The following ARFGEF3 variants were observed in gnomAD, a reference collection of about 807,000 sequenced individuals.
ARFGEF3 encodes ARFGEF family member 3, also known as brefeldin A-inhibited guanine nucleotide-exchange protein 3.
In ARFGEF3, 96 loss-of-function variants were observed where a neutral mutation model predicts 221.7. The observed-to-expected ratio is 0.43, with a 90% confidence interval of 0.37 to 0.51. The LOEUF is 0.51. Among genes scored for constraint, ARFGEF3 ranks in the 20% least tolerant of loss-of-function variants. The pLI, the probability that ARFGEF3 is intolerant of heterozygous loss-of-function variation, is 0.00. For missense variants in ARFGEF3, 2,410 were observed against 2,789.9 expected, an observed-to-expected ratio of 0.86 and a Z score of 3.07; for synonymous variants, 1,145 against 1,126.8, an observed-to-expected ratio of 1.02 and a Z score of -0.32.
At chr6:138,287,804 G>C (rs554300863) in intron 17 of ARFGEF3, among the ~76,000 whole-genome samples, 3 of 152,152 alleles carry the variant, frequency 2.0e-5, no homozygotes, top group Non-Finnish European at 4.4e-5. Flanking sequence ...TCCAAATTGT[G>C]TAACTACTAT....
chr6:138,172,581 T>G (rs1342621680), intron 2 of ARFGEF3, among the ~76,000 whole-genome samples: 1 of 152,230 alleles, frequency 6.6e-6, no homozygotes, highest in Non-Finnish European at 1.5e-5. Flanking sequence ...ACTTCTTGGC[T>G]TTCAGCAATA....
chr6:138,328,220 T>C (rs1406486365), intron 32 of ARFGEF3, 78 bp downstream of exon 32: 3 of 1,442,522 alleles, frequency 2.1e-6, no homozygotes, highest in Non-Finnish European at 2.8e-6. Flanking sequence ...CACATTGTAA[T>C]CTGAGCTTTG....
In ARFGEF3 at chr6:138,255,766, A is replaced by C. The variant is rs1778665827; in HGVS notation, c.1101A>C (p.Lys367Asn). Reference sequence around the variant, plus strand: ...GGGTGGAAGCCATCAAAATAATGAAAGAGGTGAGGAGGCACTGGAGATCGC... The same window carrying C: ...GGGTGGAAGCCATCAAAATAATGAACGAGGTGAGGAGGCACTGGAGATCGC... ...QHRVEAIKIMKEILGSPQRLC... is the reference protein window; with the variant it reads ...QHRVEAIKIMNEILGSPQRLC... Residue 367 changes from lysine (K) to asparagine (N), a missense_variant, in exon 10 of 34, where the codon AAA becomes AAC. Physicochemically the swap from Lys to Asn is moderately conservative, Grantham distance 94. Transcript: ENST00000251691. The C allele has an allele frequency of 6.5e-7, 1 of 1,546,812 alleles. No homozygotes were observed. Among genetic ancestry groups the C allele is most frequent in the South Asian group, 1.2e-5 (1 of 82,282 alleles).
chr6:138,297,377 C>T (rs1319526334), intron 21 of ARFGEF3, among the ~76,000 whole-genome samples: 1 of 152,134 alleles, frequency 6.6e-6, no homozygotes, highest in Non-Finnish European at 1.5e-5. Context: ...GTCAGGGAAC[C>T]CTATGTCTTG....
At chr6:138,325,919 G>A (rs369333642) in intron 31 of ARFGEF3, among the ~76,000 whole-genome samples, 2 of 152,266 alleles carry the variant, frequency 1.3e-5, no homozygotes, top group African/African-American at 2.4e-5. Flanking sequence ...AGTGCAGGGT[G>A]TGATCTCGGC....
chr6:138,286,403 T>C (rs1172977155), intron 15 of ARFGEF3, among the ~76,000 whole-genome samples: 1 of 150,892 alleles, frequency 6.6e-6, no homozygotes, highest in African/African-American at 2.4e-5. Context: ...TGAGCCGAGA[T>C]TGTGCCACTG....
chr6:138,170,767 C>T, intron 2 of ARFGEF3, 54 bp downstream of exon 2: 1 of 999,464 alleles, frequency 1.0e-6, no homozygotes, highest in Admixed American at 1.8e-5. Flanking sequence ...CCACTGAAGG[C>T]CCAGATAACC....
chr6:138,287,820 A>C (rs771950628), intron 17 of ARFGEF3, among the ~76,000 whole-genome samples: 10 of 152,226 alleles, frequency 6.6e-5, no homozygotes, highest in Non-Finnish European at 1.0e-4. Flanking sequence ...ACTATCAGAT[A>C]TGTACAGTAA....
chr6:138,164,399 T>C (rs1265595484), intron 1 of ARFGEF3, among the ~76,000 whole-genome samples: 7 of 152,242 alleles, frequency 4.6e-5, no homozygotes, highest in Admixed American at 3.9e-4. Flanking sequence ...TTGCTCTTGC[T>C]AGTCCTTCTG....
intron 6 of ARFGEF3, among the ~76,000 whole-genome samples, chr6:138,239,194 A>T (rs9402964): frequency 0.099 from 15,075 of 152,188 alleles, 1,057 homozygotes; most frequent in East Asian, 0.37. Flanking sequence ...GGCTCCTTGT[A>T]TATATTATCT....
chr6:138,289,480 AG>A (rs1464842302), intron 17 of ARFGEF3, among the ~76,000 whole-genome samples: 1 of 152,330 alleles, frequency 6.6e-6, no homozygotes, highest in East Asian at 1.9e-4. Flanking sequence ...GAAGGGTGAA[AG>A]GTCTGGGCCC....
chr6:138,231,113 TCAA>T (rs771453603), intron 5 of ARFGEF3, among the ~76,000 whole-genome samples: 14 of 152,022 alleles, frequency 9.2e-5, no homozygotes, highest in Non-Finnish European at 1.9e-4. Flanking sequence ...GCTGTTAGTA[TCAA>T]CAACAACCAG....
At chr6:138,238,682 A>T (rs1338846174) in intron 6 of ARFGEF3, 51 bp downstream of exon 6, 1 of 1,590,324 alleles carries the variant, frequency 6.3e-7, no homozygotes, top group South Asian at 1.1e-5. Context: ...GTGTCTGTGT[A>T]TCCCATGCCC....
At chr6:138,278,172 G>T (rs951592721) in intron 12 of ARFGEF3, among the ~76,000 whole-genome samples, 6 of 152,156 alleles carry the variant, frequency 3.9e-5, no homozygotes, top group Non-Finnish European at 7.3e-5. Flanking sequence ...AGGAAAAGAA[G>T]GTGAGACTTA....
intron 1 of ARFGEF3, among the ~76,000 whole-genome samples, chr6:138,169,046 C>T (rs1370705115): frequency 6.6e-6 from 1 of 152,216 alleles, no homozygotes; most frequent in Non-Finnish European, 1.5e-5. Context: ...CAGCTCCTCA[C>T]AAGCATCCCG....
chr6:138,323,339 C>T (rs1030034899), intron 29 of ARFGEF3, among the ~76,000 whole-genome samples: 5 of 152,202 alleles, frequency 3.3e-5, no homozygotes, highest in South Asian at 2.1e-4. Context: ...TGGCCGGGCG[C>T]GGTGTCCCAC....
intron 3 of ARFGEF3, among the ~76,000 whole-genome samples, 152 bp downstream of exon 3, chr6:138,207,275 A>ATT (rs1275779762): frequency 2.6e-5 from 4 of 152,122 alleles, no homozygotes; most frequent in Non-Finnish European, 5.9e-5. Context: ...GAATAACAGG[A>ATT]TTTTCTTATA....
rs6912225 is a variant in ARFGEF3, at chr6:138,343,460, T to C, written c.*6974T>C. 1 of 135,456 alleles carries C rather than the reference T, an allele frequency of 7.4e-6. No homozygotes were observed. Among genetic ancestry groups the C allele is most frequent in the East Asian group, 1.9e-4 (1 of 5,196 alleles). The allele number at this position is 135,456 out of a possible 1,614,324, so 8.4% of individuals were successfully genotyped here. On this transcript the variant is annotated 3_prime_UTR_variant, in exon 34 of 34. Transcript: ENST00000251691. The stretch of plus-strand genomic sequence containing the variant: ...CTCTGTGGATGGAAATAAGGGTGTT[T>C]TTTTTTGGTTTTTTTTTTACTTTAG...
chr6:138,229,880 T>A, intron 5 of ARFGEF3, 28 bp downstream of exon 5: 1 of 1,576,332 alleles, frequency 6.3e-7, no homozygotes, highest in Non-Finnish European at 8.7e-7. Flanking sequence ...CTGTGCCTCC[T>A]GTTCACAGCT....
Sources: gnomAD v4.1 joint callset for allele counts (sites outside exome capture counted in the v4.1 genomes callset) on GRCh38, gnomAD v4.1.1 for gene constraint, MANE v1.5 for transcripts, NCBI Gene and HGNC (gene_info 2026-07-23, HGNC 2026-07-21) for gene names.